RBM17: variants seen among roughly 807,000 people sequenced by gnomAD.
The protein encoded by RBM17 is RNA binding motif protein 17, also known as splicing factor 45.
In RBM17, 7 loss-of-function variants were observed where a neutral mutation model predicts 53.2. The ratio of observed to expected loss-of-function variants is 0.13; its 90% CI spans 0.07 to 0.25. RBM17 has a LOEUF of 0.25. Among genes scored for constraint, RBM17 ranks in the 10% least tolerant of loss-of-function variants. The pLI is 1.00. For missense variants in RBM17, 257 were observed against 496.7 expected (o/e 0.52, Z 4.59); for synonymous variants, 167 against 178.1 (o/e 0.94, Z 0.50).
In RBM17 at chr10:6,116,438, CTG is replaced by C. The variant is rs1840918392; in HGVS notation, c.*884_*885del. ...AGATTATCCACGTTGGCCAAGTAAA[CTG>C]TACTGCCAATAGAATTCTGGAATTG... is the stretch of plus-strand genomic sequence containing the variant. On this transcript the variant is annotated 3_prime_UTR_variant, in exon 12 of 12. Coordinates refer to ENST00000379888, the MANE Select transcript of RBM17 (RefSeq NM_032905.5). The C allele has an allele frequency of 6.6e-6, 1 of 152,314 alleles. No homozygotes were observed. Among genetic ancestry groups the C allele is most frequent in the Admixed American group, 6.5e-5 (1 of 15,278 alleles). The allele number at this position is 152,314 out of a possible 1,614,324, so 9.4% of individuals were successfully genotyped here. A position where few individuals can be genotyped will look rare whatever the true frequency, so the allele number is the denominator to read the frequency against.
intron 2 of RBM17, among the ~76,000 whole-genome samples, chr10:6,099,680 A>G (rs948429046): frequency 6.6e-6 from 1 of 152,064 alleles, no homozygotes; most frequent in African/African-American, 2.4e-5. Flanking sequence ...TATTTTCTTA[A>G]TATTTTCAGC....
chr10:6,100,822 T>G (rs1380286523), intron 2 of RBM17, among the ~76,000 whole-genome samples: 3 of 152,190 alleles, frequency 2.0e-5, no homozygotes, highest in Admixed American at 1.3e-4. Context: ...TGGGGTGAAG[T>G]GTCATGATGT....
chr10:6,115,684 A>G lies in RBM17; in HGVS notation c.*128A>G. 1.7e-6 allele frequency: 1 copy of G among 597,512 alleles called. No individual in the cohort carries two copies. Among genetic ancestry groups the G allele is most frequent in the South Asian group, 2.5e-5 (1 of 40,702 alleles). The allele number at this position is 597,512 out of a possible 1,614,324, so 37.0% of individuals were successfully genotyped here. A position where few individuals can be genotyped will look rare whatever the true frequency, so the allele number is the denominator to read the frequency against. ...AGACTCTTGGAAGGACTTCTAAGATATATGTTGATTGATCCCTTTTTTATT... is the reference window on the plus strand; with the variant it reads ...AGACTCTTGGAAGGACTTCTAAGATGTATGTTGATTGATCCCTTTTTTATT... On this transcript the variant is annotated 3_prime_UTR_variant, in exon 12 of 12. Transcript: ENST00000379888.
In RBM17 at chr10:6,097,033, C is replaced by T. The variant is rs761959091; in HGVS notation, c.-18-15C>T. 9 of 1,605,370 alleles carry T rather than the reference C, an allele frequency of 5.6e-6. No homozygotes were observed. The South Asian group carries it at 6.7e-5, about 12-fold the overall frequency. The stretch of plus-strand genomic sequence containing the variant: ...AATTGTGCATTCTTTAATCCCCACC[C>T]CTTTTGCCTTTCAGCATTAAACTGA... On this transcript the variant is annotated splice_polypyrimidine_tract_variant and intron_variant, in intron 1 of 11. Coordinates refer to ENST00000379888, the MANE Select transcript of RBM17 (RefSeq NM_032905.5).
rs562342967 is a variant in RBM17 at position 6,104,195 on chromosome 10, A to C, written c.241-736A>C. 5.3e-5 allele frequency among the ~76,000 whole-genome samples: 8 copies of C among 152,318 alleles called. No homozygotes were observed. The South Asian group carries it at 1.7e-3, about 32-fold the overall frequency. ...TGTGTCTGCTCATGTATTTCCTAGT[A>C]TACTGGCTGTGCTCTGCCTCTCGTT... On this transcript the variant is annotated intron_variant, in intron 3 of 11. Coordinates refer to ENST00000379888, the MANE Select transcript of RBM17 (RefSeq NM_032905.5).
At chr10:6,111,660 T>A (rs569803713) in intron 7 of RBM17, among the ~76,000 whole-genome samples, 7 of 152,332 alleles carry the variant, frequency 4.6e-5, no homozygotes, top group South Asian at 2.1e-4. Context: ...ATTTCTAATA[T>A]GGCGTCTTGC....
At chr10:6,091,094 C>G (rs1014446055) in intron 1 of RBM17, among the ~76,000 whole-genome samples, 1 of 150,232 alleles carries the variant, frequency 6.7e-6, no homozygotes, top group African/African-American at 2.4e-5. Context: ...GAGTCTCACT[C>G]TATAGTCCAG....
intron 3 of RBM17, among the ~76,000 whole-genome samples, chr10:6,104,627 G>T (rs1238695385): frequency 6.6e-6 from 1 of 152,082 alleles, no homozygotes; most frequent in Non-Finnish European, 1.5e-5. Flanking sequence ...CTAATTTTTT[G>T]ACTCAAAGTA....
Position 6,097,170 on chromosome 10 carries a change from A to G in RBM17, c.105A>G (p.Ala35=), listed in dbSNP as rs1283580176. The G allele has an allele frequency of 2.5e-6, 4 of 1,613,954 alleles. No homozygotes were observed. The highest frequency in any genetic ancestry group is 2.7e-5 in the African/African-American group (2 of 74,914). The part of the protein sequence containing the change: ...LLQSQLQVKK[A]ALTQAKSQRT... ...AGTCTCAGCTTCAGGTGAAGAAGGC[A>G]GCTCTCACTCAGGCAAAGGTAAAGA... Residue 35 remains alanine (A), a synonymous_variant, in exon 2 of 12, where the codon GCA becomes GCG. Coordinates refer to ENST00000379888, the MANE Select transcript of RBM17 (RefSeq NM_032905.5).
intron 1 of RBM17, 168 bp from the exon 2 acceptor site, chr10:6,096,880 A>G: frequency 4.0e-6 from 2 of 503,834 alleles, no homozygotes; most frequent in Non-Finnish European, 3.6e-6. Flanking sequence ...TCCATGGTCT[A>G]GCTTCATGTA....
At position 6,115,648 on chromosome 10, in the gene RBM17, G is replaced by A; in HGVS notation, c.*92G>A. The stretch of plus-strand genomic sequence containing the variant: ...GAAAAAGGTCACAGCCTCCATGGCT[G>A]TTGCATACCAAGACTCTTGGAAGGA... On this transcript the variant is annotated 3_prime_UTR_variant, in exon 12 of 12. Transcript: ENST00000379888. 1.3e-6 allele frequency: 1 copy of A among 770,426 alleles called. No individual in the cohort carries two copies. The highest frequency in any genetic ancestry group is 2.3e-6 in the Non-Finnish European group (1 of 442,018). The allele number at this position is 770,426 out of a possible 1,614,324, so 47.7% of individuals were successfully genotyped here.
chr10:6,108,851 T>C lies in RBM17; in HGVS notation c.562+109T>C, dbSNP rs1840794670. 29 of 739,360 alleles carry C rather than the reference T, an allele frequency of 3.9e-5. No homozygotes were observed. The South Asian group carries it at 5.0e-4, about 13-fold the overall frequency. The allele number at this position is 739,360 out of a possible 1,614,324, so 45.8% of individuals were successfully genotyped here. On this transcript the variant is annotated intron_variant, in intron 6 of 11. Coordinates refer to ENST00000379888, the MANE Select transcript of RBM17 (RefSeq NM_032905.5). ...TTCCTGAGCGTAGAGGGAAACGGCC[T>C]GCAAGCCTGCCTGGCTCTGTCACCT...
At chr10:6,110,690 C>T (rs1449696342) in intron 7 of RBM17, among the ~76,000 whole-genome samples, 2 of 152,218 alleles carry the variant, frequency 1.3e-5, no homozygotes, top group Non-Finnish European at 2.9e-5. Context: ...GTGTTGTTGA[C>T]TTTGATCCTG....
At chr10:6,098,545 G>A (rs953039229) in intron 2 of RBM17, among the ~76,000 whole-genome samples, 12 of 132,028 alleles carry the variant, frequency 9.1e-5, no homozygotes, top group African/African-American at 2.3e-4. Context: ...GAAAATTTCC[G>A]TAATACACAG....
chr10:6,091,546 T>C (rs1463204328), intron 1 of RBM17, among the ~76,000 whole-genome samples: 1 of 152,212 alleles, frequency 6.6e-6, no homozygotes, highest in Non-Finnish European at 1.5e-5. Flanking sequence ...GCAATTTAAA[T>C]TTTATCCTAC....
chr10:6,102,175 A>G (rs1363156148), intron 3 of RBM17, among the ~76,000 whole-genome samples: 1 of 152,222 alleles, frequency 6.6e-6, no homozygotes, highest in Non-Finnish European at 1.5e-5. Context: ...AGCATCATGA[A>G]TTGCACAAAA....
rs771676898 is a variant in RBM17 at position 6,112,276 on chromosome 10, T to C, written c.771T>C (p.His257=). The part of the protein sequence containing the change: ...GFREGQGLGK[H]EQGLSTALSV... ...GGGAGGGCCAGGGTCTGGGGAAGCATGAGCAGGGCCTGAGCACTGCCTTGT... is the reference window on the plus strand; with the variant it reads ...GGGAGGGCCAGGGTCTGGGGAAGCACGAGCAGGGCCTGAGCACTGCCTTGT... Residue 257 remains histidine, a synonymous_variant, in exon 8 of 12, where the codon CAT becomes CAC. Transcript: ENST00000379888. This position sits in a 1 kb window ranked among gnomAD's most constrained non-coding sequence, Gnocchi z 4.4. 104 of 1,613,582 alleles carry C rather than the reference T, an allele frequency of 6.4e-5. 1 individual carries two copies.
At chr10:6,090,854 G>T (rs1051738676) in intron 1 of RBM17, among the ~76,000 whole-genome samples, 1 of 142,844 alleles carries the variant, frequency 7.0e-6, no homozygotes, top group Non-Finnish European at 1.5e-5. Flanking sequence ...TGGAGGTATG[G>T]GAAAAATTTT....
intron 11 of RBM17, 69 bp from the exon 12 acceptor site, chr10:6,115,384 C>T (rs1371709257): frequency 1.3e-6 from 2 of 1,525,412 alleles, no homozygotes; most frequent in African/African-American, 2.7e-5. Flanking sequence ...AGTAAAGTTA[C>T]TGTTTAATTA....
Sources: gnomAD v4.1 joint callset for allele counts (sites outside exome capture counted in the v4.1 genomes callset) on GRCh38, gnomAD v4.1.1 for gene constraint, Gnocchi (gnomAD v3.1) non-coding constraint, MANE v1.5 for transcripts, NCBI Gene and HGNC (gene_info 2026-07-23, HGNC 2026-07-21) for gene names.